Variants in MAGI1 observed in about 807,000 individuals in gnomAD.
MAGI1 encodes membrane associated guanylate kinase, WW and PDZ domain containing 1, also known as membrane-associated guanylate kinase, WW and PDZ domain-containing protein 1.
Under a neutral mutation model 139.9 loss-of-function variants are expected in MAGI1, and 58 were observed. That is an observed-to-expected ratio of 0.41 (90% CI 0.34 to 0.52). The LOEUF (loss-of-function observed/expected upper bound fraction) is 0.52. Among genes scored for constraint, MAGI1 ranks in the 20% least tolerant of loss-of-function variants. MAGI1 has a pLI of 0.12. For missense variants in MAGI1, 1,874 were observed against 1,901.6 expected, an observed-to-expected ratio of 0.99 and a Z score of 0.27; for synonymous variants, 812 against 737.9, an observed-to-expected ratio of 1.10 and a Z score of -1.63.
chr3:65,405,020 G>A (rs952399159), intron 12 of MAGI1, among the ~76,000 whole-genome samples: 5 of 152,178 alleles, frequency 3.3e-5, no homozygotes, highest in Non-Finnish European at 7.3e-5. Flanking sequence ...TTCAGGGTAA[G>A]GAAGGGGAAC....
intron 1 of MAGI1, among the ~76,000 whole-genome samples, chr3:65,952,610 C>G (rs1560049118): frequency 6.6e-6 from 1 of 152,136 alleles, no homozygotes. Context: ...ATCAGGAGAT[C>G]AAGATCATCC....
At chr3:65,446,620 T>C (rs932308677) in intron 7 of MAGI1, among the ~76,000 whole-genome samples, 16 of 152,204 alleles carry the variant, frequency 1.1e-4, no homozygotes, top group Non-Finnish European at 2.2e-4. Context: ...ATTACTTAGG[T>C]AGCAAGAGTG....
intron 14 of MAGI1, among the ~76,000 whole-genome samples, chr3:65,390,385 A>C (rs765575973): frequency 3.9e-5 from 6 of 152,302 alleles, no homozygotes; most frequent in Non-Finnish European, 7.3e-5. Context: ...AAAACATCAG[A>C]AAACAGCCAC....
chr3:65,628,487 T>C (rs562351592), intron 1 of MAGI1, among the ~76,000 whole-genome samples: 1 of 152,084 alleles, frequency 6.6e-6, no homozygotes. Context: ...AGAACCCATA[T>C]GAAAAGCTGC....
intron 22 of MAGI1, chr3:65,359,002 C>G (rs1438606789): frequency 1.4e-6 from 2 of 1,425,898 alleles, no homozygotes; most frequent in African/African-American, 2.8e-5. Context: ...CAGAGCTAAG[C>G]AGAAGCAATG....
intron 2 of MAGI1, among the ~76,000 whole-genome samples, chr3:65,564,413 G>C (rs1302405745): frequency 6.6e-6 from 1 of 151,860 alleles, no homozygotes. Context: ...GATTTTTCTT[G>C]TTTGCTGAAT....
intron 1 of MAGI1, among the ~76,000 whole-genome samples, chr3:65,971,911 G>T (rs1259035945): frequency 6.6e-6 from 1 of 152,154 alleles, no homozygotes; most frequent in Admixed American, 6.5e-5. Context: ...TTCCTCTTGG[G>T]CACACTTAAT....
intron 12 of MAGI1, among the ~76,000 whole-genome samples, chr3:65,404,448 G>A (rs1575627245): frequency 2.0e-5 from 3 of 152,050 alleles, no homozygotes; most frequent in East Asian, 3.9e-4. Context: ...CCTCTTTGCC[G>A]GCTAGTTGCT....
At chr3:65,550,998 G>C (rs2079801518) in intron 2 of MAGI1, among the ~76,000 whole-genome samples, 1 of 152,062 alleles carries the variant, frequency 6.6e-6, no homozygotes, top group South Asian at 2.1e-4. Context: ...GATAGGTTTG[G>C]TTCTGTGTCC....
chr3:65,500,812 T>C (rs2077052030), intron 2 of MAGI1, among the ~76,000 whole-genome samples: 2 of 152,216 alleles, frequency 1.3e-5, no homozygotes, highest in Admixed American at 1.3e-4. Context: ...TGCTGTTAAA[T>C]TAATCAGGGT....
At chr3:65,384,393 T>C (rs1943283884) in intron 14 of MAGI1, among the ~76,000 whole-genome samples, 1 of 152,162 alleles carries the variant, frequency 6.6e-6, no homozygotes, top group African/African-American at 2.4e-5. Context: ...TCACAACTAT[T>C]TACATGGCAT....
chr3:65,839,565 G>A (rs2058737768), intron 1 of MAGI1, among the ~76,000 whole-genome samples: 1 of 152,152 alleles, frequency 6.6e-6, no homozygotes, highest in Admixed American at 6.6e-5. Context: ...GGCAAAATAA[G>A]CTGAGCCTAA....
At chr3:65,539,178 T>C (rs1215147105) in intron 2 of MAGI1, among the ~76,000 whole-genome samples, 3 of 151,418 alleles carry the variant, frequency 2.0e-5, no homozygotes, top group African/African-American at 4.9e-5. Flanking sequence ...TCAAGTACCA[T>C]CAAACAGGCA....
intron 2 of MAGI1, among the ~76,000 whole-genome samples, chr3:65,596,190 A>G (rs1289111610): frequency 6.6e-6 from 1 of 152,224 alleles, no homozygotes; most frequent in Non-Finnish European, 1.5e-5. Flanking sequence ...TTTCTCAACT[A>G]AGAAATGCAT....
At chr3:65,532,941 C>G (rs1397320385) in intron 2 of MAGI1, 1 of 152,372 alleles carries the variant, frequency 6.6e-6, no homozygotes, top group Admixed American at 6.5e-5. Context: ...CCGTCTCTCT[C>G]TCCTGATCTA....
intron 7 of MAGI1, among the ~76,000 whole-genome samples, chr3:65,445,021 T>A (rs890388909): frequency 1.3e-5 from 2 of 152,192 alleles, no homozygotes; most frequent in Non-Finnish European, 2.9e-5. Flanking sequence ...AGAAAATATT[T>A]AAGTCCAGAA....
intron 1 of MAGI1, among the ~76,000 whole-genome samples, chr3:66,017,429 AG>A (rs1373260645): frequency 1.3e-5 from 2 of 152,206 alleles, no homozygotes; most frequent in African/African-American, 2.4e-5. Context: ...ATCAAACTCC[AG>A]GGGGTCACCT....
chr3:65,777,398 G>A (rs892549059), intron 1 of MAGI1, among the ~76,000 whole-genome samples: 2 of 152,058 alleles, frequency 1.3e-5, no homozygotes, highest in Admixed American at 6.5e-5. Context: ...AGTAAGTACT[G>A]ACAAATAAAT....
rs776689676 is a variant in MAGI1, at chr3:65,437,137, G to C, written c.1363+18C>G. ...TTGAGCTAAAACCATGACACAATTAGAAAGACAAGTACTTTACCCTGAAGT... is the reference window on the plus strand; with the variant it reads ...TTGAGCTAAAACCATGACACAATTACAAAGACAAGTACTTTACCCTGAAGT... On this transcript the variant is annotated intron_variant, in intron 10 of 22. Coordinates refer to ENST00000402939, the MANE Select transcript of MAGI1 (RefSeq NM_001033057.2). The C allele has an allele frequency of 2.6e-6, 4 of 1,539,834 alleles. No individual in the cohort carries two copies. Among genetic ancestry groups the C allele is most frequent in the Non-Finnish European group, 3.6e-6 (4 of 1,126,140 alleles).
Sources: allele counts gnomAD v4.1 joint callset (sites outside exome capture counted in the v4.1 genomes callset), GRCh38; gene constraint gnomAD v4.1.1; transcripts MANE v1.5; gene names NCBI Gene and HGNC (gene_info 2026-07-23, HGNC 2026-07-21).